GNE: variants seen among roughly 807,000 people sequenced by gnomAD.
GNE encodes the protein bifunctional UDP-N-acetylglucosamine 2-epimerase/N-acetylmannosamine kinase.
A neutral mutation model predicts 61.8 loss-of-function variants in GNE; 41 were observed. The ratio of observed to expected loss-of-function variants is 0.66; its 90% CI spans 0.52 to 0.86. The LOEUF (loss-of-function observed/expected upper bound fraction) is 0.86. Ranked by LOEUF, GNE falls within the 40% of genes least tolerant of loss-of-function variation. The pLI, the probability that GNE is intolerant of heterozygous loss-of-function variation, is 0.00. For synonymous variants in GNE, 264 were observed against 326.4 expected (o/e 0.81, Z 2.06); for missense variants, 608 against 909.1 (o/e 0.67, Z 4.26).
chr9:36,267,221 G>A (rs1830836143), intron 1 of GNE, among the ~76,000 whole-genome samples: 1 of 152,088 alleles, frequency 6.6e-6, no homozygotes, highest in African/African-American at 2.4e-5. Context: ...TATATTTCAG[G>A]ACCATTTAAT....
At chr9:36,257,801 TCAAAAAA>T (rs1172285042) in intron 1 of GNE, among the ~76,000 whole-genome samples, 1 of 5,362 alleles carries the variant, frequency 1.9e-4, no homozygotes, top group African/African-American at 7.1e-4. Context: ...AGACTCAGTC[TCAAAAAA>T]AAAAAAAAAA....
At chr9:36,244,915 A>G (rs1173712489) in intron 3 of GNE, among the ~76,000 whole-genome samples, 6 of 139,572 alleles carry the variant, frequency 4.3e-5, no homozygotes, top group Non-Finnish European at 7.8e-5. Context: ...ACTACAGGCT[A>G]GGCAACAGAG....
intron 6 of GNE, 151 bp from the exon 7 acceptor site, chr9:36,227,609 C>G (rs1828940446): frequency 4.5e-6 from 3 of 665,412 alleles, no homozygotes; most frequent in Admixed American, 2.3e-5. Flanking sequence ...CACAGTGGCT[C>G]ACACCTGTAA....
chr9:36,262,595 T>C (rs1382071046), upstream of GNE, among the ~76,000 whole-genome samples: 1 of 152,220 alleles, frequency 6.6e-6, no homozygotes, highest in Non-Finnish European at 1.5e-5. Context: ...AAATTACTTA[T>C]GGCTTTGTAG....
At chr9:36,269,403 G>T (rs1349800642) in intron 1 of GNE, among the ~76,000 whole-genome samples, 1 of 150,832 alleles carries the variant, frequency 6.6e-6, no homozygotes, top group Non-Finnish European at 1.5e-5. Flanking sequence ...ACATACTCCA[G>T]CCTGGCCTTT....
intron 9 of GNE, among the ~76,000 whole-genome samples, chr9:36,221,032 G>A (rs1828559364): frequency 6.6e-6 from 1 of 152,210 alleles, no homozygotes; most frequent in South Asian, 2.1e-4. Context: ...TAAAGTACAT[G>A]AGCTTAGGCT....
intron 1 of GNE, among the ~76,000 whole-genome samples, chr9:36,266,638 G>A (rs959250765): frequency 2.6e-5 from 4 of 151,084 alleles, no homozygotes; most frequent in African/African-American, 7.3e-5. Flanking sequence ...GGCTGGGTGC[G>A]GTGGCTCACG....
In GNE at chr9:36,258,342, T is replaced by TC. The variant is rs1414725881; in HGVS notation, c.-65dup. The TC allele has an allele frequency of 1.0e-6, 1 of 985,302 alleles. No individual in the cohort carries two copies. Among genetic ancestry groups the TC allele is most frequent in the Non-Finnish European group, 1.2e-6 (1 of 830,002 alleles). The allele number at this position is 985,302 out of a possible 1,614,324, so 61.0% of individuals were successfully genotyped here. On this transcript the variant is annotated 5_prime_UTR_variant, in exon 1 of 12. Coordinates refer to ENST00000642385, the MANE Select transcript of GNE (RefSeq NM_005476.7). ...TCACCAGACGCCGTCAGAGGCTCCCTCCCACGCCGCCACCGCGCTCCTCGG... is the reference window on the plus strand; with the variant it reads ...TCACCAGACGCCGTCAGAGGCTCCCTCCCCACGCCGCCACCGCGCTCCTCGG...
chr9:36,257,232 A>T (rs569736134), intron 1 of GNE, among the ~76,000 whole-genome samples: 1 of 152,292 alleles, frequency 6.6e-6, no homozygotes, highest in East Asian at 1.9e-4. Context: ...TGTTCATTCC[A>T]TAAACATCCA....
chr9:36,219,256 C>T (rs989056817), intron 10 of GNE, among the ~76,000 whole-genome samples: 2 of 152,126 alleles, frequency 1.3e-5, no homozygotes, highest in African/African-American at 2.4e-5. Context: ...CTGTCCCATA[C>T]ACCCATCATC....
chr9:36,275,077 C>T (rs1344086968), intron 1 of GNE, among the ~76,000 whole-genome samples: 1 of 152,210 alleles, frequency 6.6e-6, no homozygotes, highest in Non-Finnish European at 1.5e-5. Flanking sequence ...TCCCAGTCTT[C>T]TCAGTCCAAA....
chr9:36,217,467 G>C lies in GNE; in HGVS notation c.2067C>G (p.Ser689=). Reference sequence around the variant, plus strand: ...CCACCACATCCACGTCCTGCACGGAGGACAAGGCCTGCTGGCGAATGACGT... The same window carrying C: ...CCACCACATCCACGTCCTGCACGGACGACAAGGCCTGCTGGCGAATGACGT... The part of the protein sequence containing the change: ...VKDVIRQQAL[S]SVQDVDVVVS... The change falls in exon 12 of 12, where the codon TCC becomes TCG. Residue 689 remains serine, a synonymous_variant. Coordinates refer to ENST00000642385, the MANE Select transcript of GNE (RefSeq NM_005476.7). 1 of 1,614,166 alleles carries C rather than the reference G, an allele frequency of 6.2e-7. No homozygotes were observed.
intron 9 of GNE, among the ~76,000 whole-genome samples, chr9:36,222,274 C>A (rs551700017): frequency 6.6e-6 from 1 of 151,776 alleles, no homozygotes; most frequent in African/African-American, 2.4e-5. Context: ...AAAAAATTAG[C>A]CGGGCGTAGT....
rs536432538 is a variant in GNE at position 36,214,824 on chromosome 9, A to C, written c.*2541T>G. ...GAACAATAACCAGGCCCTGGAGATT[A>C]CTGCAGGGCTGGCAGAGTTTTAGGA... On this transcript the variant is annotated 3_prime_UTR_variant, in exon 12 of 12. Coordinates refer to ENST00000642385, the MANE Select transcript of GNE (RefSeq NM_005476.7). 6.6e-6 allele frequency: 1 copy of C among 152,354 alleles called. No individual in the cohort carries two copies. The highest frequency in any genetic ancestry group is 2.1e-4 in the South Asian group (1 of 4,832). 9.4% of individuals were successfully genotyped at this position (152,354 alleles called of 1,614,324 possible).
rs1470110390 is a variant in GNE at position 36,215,067 on chromosome 9, G to C, written c.*2298C>G. The C allele has an allele frequency of 6.6e-6, 1 of 152,126 alleles. No homozygotes were observed. The highest frequency in any genetic ancestry group is 2.4e-5 in the African/African-American group (1 of 41,410). The allele number at this position is 152,126 out of a possible 1,614,324, so 9.4% of individuals were successfully genotyped here. ...GGGCCAGGTGTGATGGCTTACACCTGTAATCCCAGCACTTTGGGAGGCAGA... is the reference window on the plus strand; with the variant it reads ...GGGCCAGGTGTGATGGCTTACACCTCTAATCCCAGCACTTTGGGAGGCAGA... On this transcript the variant is annotated 3_prime_UTR_variant, in exon 12 of 12. Transcript: ENST00000642385.
chr9:36,232,345 C>CCCCCCCCCCCCCCCCCCCCCCCCCA (rs1554660756), intron 5 of GNE, among the ~76,000 whole-genome samples: 1 of 126,388 alleles, frequency 7.9e-6, no homozygotes, highest in Non-Finnish European at 1.6e-5. Context: ...CGCCCCCCCT[C>CCCCCCCCCCCCCCCCCCCCCCCCCA]CCGACATTCC....
chr9:36,249,084 A>G (rs1336808099), intron 2 of GNE, 108 bp downstream of exon 2: 1 of 861,966 alleles, frequency 1.2e-6, no homozygotes, highest in Admixed American at 1.8e-5. Flanking sequence ...GCCACATAAA[A>G]ACTAAGCAGC....
intron 7 of GNE, among the ~76,000 whole-genome samples, chr9:36,223,831 A>G (rs1828727855): frequency 6.6e-6 from 1 of 150,476 alleles, no homozygotes; most frequent in East Asian, 2.0e-4. Flanking sequence ...AGCTCACTGC[A>G]ACCTCCACCT....
intron 1 of GNE, among the ~76,000 whole-genome samples, chr9:36,264,076 A>T (rs148490117): frequency 3.9e-5 from 6 of 152,070 alleles, no homozygotes; most frequent in African/African-American, 1.2e-4. Flanking sequence ...ATCCTGAACA[A>T]CTTTCTGATT....
Sources: gnomAD v4.1 joint callset for allele counts (sites outside exome capture counted in the v4.1 genomes callset) on GRCh38, gnomAD v4.1.1 for gene constraint, MANE v1.5 for transcripts, NCBI Gene and HGNC (gene_info 2026-07-23, HGNC 2026-07-21) for gene names.